Variants in LIPA observed in about 807,000 individuals in gnomAD.
LIPA encodes lipase A, lysosomal acid type.
A neutral mutation model predicts 40.6 loss-of-function variants in LIPA; 26 were observed. The ratio of observed to expected loss-of-function variants is 0.64; its 90% confidence interval spans 0.47 to 0.89. The LOEUF (loss-of-function observed/expected upper bound fraction) is 0.89. Among genes scored for constraint, LIPA ranks in the 40% least tolerant of loss-of-function variants. LIPA has a pLI of 0.00. For synonymous variants in LIPA, 188 were observed against 168.4 expected (o/e 1.12, Z -0.90); for missense variants, 455 against 479.6 (o/e 0.95, Z 0.48).
At chr10:89,342,625 GTGAAGTGAAT>G (rs1589615943) in exon 1 of LIPA, 1 of 152,344 alleles carries the variant, frequency 6.6e-6, no homozygotes, top group East Asian at 1.9e-4. Context: ...GTGACTGCTG[GTGAAGTGAAT>G]TGCATGCTGC....
chr10:89,410,836 G>C (rs1268845217), intron 2 of LIPA, among the ~76,000 whole-genome samples: 1 of 152,154 alleles, frequency 6.6e-6, no homozygotes, highest in African/African-American at 2.4e-5. Context: ...GTGAAGGAGA[G>C]GGAAGAACAG....
chr10:89,280,471 C>T (rs1161506869), intron 1 of LIPA, among the ~76,000 whole-genome samples: 1 of 152,204 alleles, frequency 6.6e-6, no homozygotes, highest in Non-Finnish European at 1.5e-5. Flanking sequence ...AGCTGGATTA[C>T]ATTTCTGCTT....
chr10:89,262,212 A>G (rs565085821), intron 1 of LIPA, among the ~76,000 whole-genome samples: 63 of 152,246 alleles, frequency 4.1e-4, no homozygotes, highest in African/African-American at 1.4e-3. Context: ...AGCACACACA[A>G]ATGGACTGAA....
At chr10:89,405,266 A>T (rs1221860691) in intron 2 of LIPA, 2 of 152,242 alleles carry the variant, frequency 1.3e-5, no homozygotes, top group African/African-American at 4.8e-5. Flanking sequence ...ATATTAATCT[A>T]GTTAAATCAA....
intron 1 of LIPA, among the ~76,000 whole-genome samples, chr10:89,289,718 T>G (rs950992081): frequency 6.6e-6 from 1 of 152,178 alleles, no homozygotes; most frequent in African/African-American, 2.4e-5. Flanking sequence ...CTGCCACCCT[T>G]AAGTCTCTGT....
intron 1 of LIPA, among the ~76,000 whole-genome samples, chr10:89,268,750 G>A (rs1355346605): frequency 6.6e-6 from 1 of 152,182 alleles, no homozygotes; most frequent in African/African-American, 2.4e-5. Flanking sequence ...ACTTTGGGAT[G>A]CTGAGGCGGG....
intron 1 of LIPA, among the ~76,000 whole-genome samples, chr10:89,288,578 T>C (rs1178059167): frequency 1.3e-5 from 2 of 152,160 alleles, no homozygotes; most frequent in African/African-American, 4.8e-5. Flanking sequence ...ATCTCTCTGA[T>C]CTACCTGACA....
chr10:89,389,711 C>G (rs1251539695), intron 2 of LIPA, among the ~76,000 whole-genome samples: 1 of 152,168 alleles, frequency 6.6e-6, no homozygotes, highest in African/African-American at 2.4e-5. Flanking sequence ...AAAATACACT[C>G]AGAATAACAT....
At chr10:89,284,003 A>G (rs1205406193) in intron 1 of LIPA, 1 of 152,228 alleles carries the variant, frequency 6.6e-6, no homozygotes, top group Non-Finnish European at 1.5e-5. Flanking sequence ...AATATTTAAC[A>G]TATCTTAGAG....
intron 1 of LIPA, among the ~76,000 whole-genome samples, chr10:89,294,089 A>G (rs1006694798): frequency 2.0e-5 from 3 of 152,364 alleles, no homozygotes; most frequent in African/African-American, 2.4e-5. Flanking sequence ...AATGAAACAA[A>G]TACTCCTAGT....
intron 3 of LIPA, among the ~76,000 whole-genome samples, chr10:89,235,774 T>C (rs1842897616): frequency 6.6e-6 from 1 of 152,232 alleles, no homozygotes; most frequent in Non-Finnish European, 1.5e-5. Flanking sequence ...AGACCTCAGT[T>C]CTTACTGGCT....
At chr10:89,306,373 C>T (rs1385526862) in intron 1 of LIPA, 33 of 1,614,094 alleles carry the variant, frequency 2.0e-5, no homozygotes, top group Non-Finnish European at 2.7e-5. Flanking sequence ...CAGAGCTTGA[C>T]TGTGAGGAAG....
At chr10:89,248,386 G>A (rs1318184357) in intron 1 of LIPA, among the ~76,000 whole-genome samples, 2 of 150,294 alleles carry the variant, frequency 1.3e-5, no homozygotes, top group African/African-American at 4.9e-5. Context: ...GGTCTCAGAT[G>A]ACTTCGTGAC....
chr10:89,281,978 T>C (rs971182672), intron 1 of LIPA, among the ~76,000 whole-genome samples: 1 of 152,228 alleles, frequency 6.6e-6, no homozygotes, highest in South Asian at 2.1e-4. Flanking sequence ...TTCCCTTTAG[T>C]GTTCCATGTG....
chr10:89,335,046 A>C (rs1169411243), intron 1 of LIPA, among the ~76,000 whole-genome samples: 1 of 152,122 alleles, frequency 6.6e-6, no homozygotes, highest in Non-Finnish European at 1.5e-5. Context: ...GTTTCTTCTT[A>C]TCGAGGTCTC....
At chr10:89,343,780 C>T (rs971582757), upstream of LIPA, among the ~76,000 whole-genome samples, 1 of 152,076 alleles carries the variant, frequency 6.6e-6, no homozygotes, top group Non-Finnish European at 1.5e-5. Context: ...TGGGGCAGTA[C>T]TTATGTGTGG....
At chr10:89,299,290 A>G (rs374776190) in intron 1 of LIPA, among the ~76,000 whole-genome samples, 1 of 152,020 alleles carries the variant, frequency 6.6e-6, no homozygotes, top group Non-Finnish European at 1.5e-5. Flanking sequence ...AAATAATCCA[A>G]TAAGACGAAA....
chr10:89,279,517 T>C (rs1202986408), intron 1 of LIPA, among the ~76,000 whole-genome samples: 3 of 152,228 alleles, frequency 2.0e-5, no homozygotes, highest in African/African-American at 7.2e-5. Flanking sequence ...GGATTCCAGA[T>C]TTCTAAATGT....
chr10:89,359,787 CCTCT>C (rs979057726), intron 2 of LIPA, among the ~76,000 whole-genome samples: 6 of 150,312 alleles, frequency 4.0e-5, no homozygotes, highest in African/African-American at 1.2e-4. Context: ...CCTGGATCTC[CCTCT>C]CTATCTATCT....
Sources: gnomAD v4.1 joint callset for allele counts (sites outside exome capture counted in the v4.1 genomes callset) on GRCh38, gnomAD v4.1.1 for gene constraint, MANE v1.5 for transcripts, NCBI Gene and HGNC (gene_info 2026-07-23, HGNC 2026-07-21) for gene names.